Variants in H3C6 observed in about 807,000 individuals in gnomAD.
The protein encoded by H3C6 is histone H3.1.
In H3C6, 17 loss-of-function variants were observed where a neutral mutation model predicts 8.0. The ratio of observed to expected loss-of-function variants is 2.13; its 90% CI spans 1.46 to 3.19. The LOEUF (loss-of-function observed/expected upper bound fraction) is 3.19. Ranked by LOEUF, H3C6 falls within the 30% of genes most tolerant of loss-of-function variation. H3C6 has a pLI of 0.00. For synonymous variants in H3C6, 169 were observed against 78.0 expected, an observed-to-expected ratio of 2.17 and a Z score of -6.15; for missense variants, 298 against 193.8, an observed-to-expected ratio of 1.54 and a Z score of -3.19.
At chr6:26,226,361 CTTA>C (rs1158903576), downstream of H3C6, 1 of 146,532 alleles carries the variant, frequency 6.8e-6, no homozygotes, top group Non-Finnish European at 1.5e-5. Context: ...TTTTTCTTTT[CTTA>C]TTTATTTATT....
Position 26,225,472 on chromosome 6 carries a change from G to C in H3C6, c.318G>C (p.Glu106Asp). 6.2e-7 allele frequency: 1 copy of C among 1,614,228 alleles called. No homozygotes were observed. Among genetic ancestry groups the C allele is most frequent in the Non-Finnish European group, 8.5e-7 (1 of 1,180,036 alleles). The change falls in exon 1 of 1, where the codon GAG becomes GAC. Residue 106 changes from glutamate (E) to aspartate (D), a missense_variant. Physicochemically the swap from Glu to Asp is conservative, Grantham distance 45 (BLOSUM62 2). Transcript: ENST00000614911. ...ACEAYLVGLF[E>D]DTNLCAIHAK... ...AGGCCTACTTGGTGGGGCTTTTCGAGGACACCAACCTGTGCGCTATTCATG... is the reference window on the plus strand; with the variant it reads ...AGGCCTACTTGGTGGGGCTTTTCGACGACACCAACCTGTGCGCTATTCATG...
chr6:26,225,776 C>G (rs762490502), downstream of H3C6: 1 of 557,106 alleles, frequency 1.8e-6, no homozygotes, highest in Non-Finnish European at 3.1e-6. Context: ...AGGGCTGGGC[C>G]TCCCTACGCT....
At chr6:26,225,134 C>G (rs368970094), upstream of H3C6, 36 of 1,530,808 alleles carry the variant, frequency 2.4e-5, no homozygotes, top group African/African-American at 4.7e-4. Context: ...CTTCCTAACT[C>G]ATTTACTTTG....
In H3C6 at chr6:26,225,382, T is replaced by C; in HGVS notation, c.228T>C (p.Ala76=). The change falls in exon 1 of 1, where the codon GCT becomes GCC. Residue 76 remains alanine, a synonymous_variant. Transcript: ENST00000614911. ...LPFQRLVREI[A]QDFKTDLRFQ... is the part of the protein sequence containing the mutation. ...TTCAGCGCCTGGTGCGAGAAATAGC[T>C]CAGGACTTCAAGACCGACCTGCGCT... The C allele has an allele frequency of 6.2e-6, 10 of 1,614,218 alleles. No homozygotes were observed. The highest frequency in any genetic ancestry group is 1.1e-5 in the South Asian group (1 of 91,090).
chr6:26,224,879 T>C (rs960101978), upstream of H3C6: 1 of 284,990 alleles, frequency 3.5e-6, no homozygotes, highest in Non-Finnish European at 6.5e-6. Flanking sequence ...GTCTATTAAG[T>C]TAAATGATCA....
chr6:26,226,653 G>A (rs975823778), downstream of H3C6: 3 of 152,164 alleles, frequency 2.0e-5, no homozygotes, highest in Non-Finnish European at 4.4e-5. Flanking sequence ...AACAAAACAT[G>A]AAAATCCTTG....
downstream of H3C6, chr6:26,227,420 G>A (rs1759597335): frequency 6.6e-6 from 1 of 152,072 alleles, no homozygotes; most frequent in Admixed American, 6.5e-5. Context: ...CTAAAACAAA[G>A]CCTCTGGAAA....
At position 26,225,170 on chromosome 6, in the gene H3C6, C is replaced by T. The variant is rs564768630; in HGVS notation, c.16C>T (p.Gln6Ter). MARTK[Q>*]TARKSTGGKA... is the part of the protein sequence containing the mutation. Reference sequence around the variant, plus strand: ...CAGATGAACTATGGCGCGTACTAAGCAGACGGCTCGTAAATCCACAGGCGG... The same window carrying T: ...CAGATGAACTATGGCGCGTACTAAGTAGACGGCTCGTAAATCCACAGGCGG... The change falls in exon 1 of 1, where the codon CAG becomes TAG. Residue 6 changes from glutamine to a stop codon, truncating the protein, a stop_gained. Transcript: ENST00000614911. LOFTEE classifies it high-confidence loss of function. 8.9e-6 allele frequency: 14 copies of T among 1,572,390 alleles called. No homozygotes were observed. The highest frequency in any genetic ancestry group is 1.4e-5 in the African/African-American group (1 of 73,496).
At chr6:26,225,649 G>C, downstream of H3C6, 1 of 1,454,672 alleles carries the variant, frequency 6.9e-7, no homozygotes, top group Non-Finnish European at 9.4e-7. Context: ...AATCCTTTGA[G>C]ACGCATTAGA....
At chr6:26,226,494 C>G (rs531900499), downstream of H3C6, 6 of 152,478 alleles carry the variant, frequency 3.9e-5, no homozygotes, top group African/African-American at 1.4e-4. Context: ...CGGGTTCAAG[C>G]GATTCTCCTG....
In H3C6 at chr6:26,225,384, A is replaced by G; in HGVS notation, c.230A>G (p.Gln77Arg). 1 of 1,614,264 alleles carries G rather than the reference A, an allele frequency of 6.2e-7. No individual in the cohort carries two copies. The highest frequency in any genetic ancestry group is 8.5e-7 in the Non-Finnish European group (1 of 1,180,050). Reference sequence around the variant, plus strand: ...CAGCGCCTGGTGCGAGAAATAGCTCAGGACTTCAAGACCGACCTGCGCTTC... The same window carrying G: ...CAGCGCCTGGTGCGAGAAATAGCTCGGGACTTCAAGACCGACCTGCGCTTC... ...PFQRLVREIAQDFKTDLRFQS... is the reference protein window; with the variant it reads ...PFQRLVREIARDFKTDLRFQS... Residue 77 changes from glutamine (Q) to arginine (R), a missense_variant, in exon 1 of 1, where the codon CAG (glutamine) becomes CGG (arginine). By Grantham distance (43) the Gln-to-Arg change is conservative. Coordinates refer to ENST00000614911, the MANE Select transcript of H3C6 (RefSeq NM_003532.3).
At chr6:26,224,988 C>T, upstream of H3C6, 1 of 703,700 alleles carries the variant, frequency 1.4e-6, no homozygotes, top group South Asian at 2.4e-5. Context: ...ATTTACCAAT[C>T]AGAATCTTGC....
At position 26,225,615 on chromosome 6, in the gene H3C6, C is replaced by G. The variant is rs532694665; in HGVS notation, c.*50C>G. 1.3e-6 allele frequency: 2 copies of G among 1,560,390 alleles called. No homozygotes were observed. Among genetic ancestry groups the G allele is most frequent in the East Asian group, 4.5e-5 (2 of 44,518 alleles). On this transcript the variant is annotated 3_prime_UTR_variant, in exon 1 of 1. Transcript: ENST00000614911. ...TCCAAAGGCTCTTCTCAGAGCCAAC[C>G]ACTTTGTCCGTGAAAAGGGCTGTAA...
At chr6:26,226,882 T>A (rs765530981), downstream of H3C6, 1 of 152,206 alleles carries the variant, frequency 6.6e-6, no homozygotes, top group Non-Finnish European at 1.5e-5. Context: ...AATTCCTCAG[T>A]TTTGATATGG....
At chr6:26,224,745 T>G (rs1164944988), upstream of H3C6, among the ~76,000 whole-genome samples, 1 of 152,058 alleles carries the variant, frequency 6.6e-6, no homozygotes, top group African/African-American at 2.4e-5. Context: ...AATGAGTGAA[T>G]AAGGAAGGGA....
At chr6:26,226,448 T>G (rs1179996570), downstream of H3C6, 1 of 152,418 alleles carries the variant, frequency 6.6e-6, no homozygotes, top group African/African-American at 2.4e-5. Context: ...CTGGAGTGCA[T>G]TGGCGCGATC....
At chr6:26,224,416 G>A (rs148859366), upstream of H3C6, 4 of 152,318 alleles carry the variant, frequency 2.6e-5, no homozygotes, top group East Asian at 7.7e-4. Context: ...GTCTTACAGA[G>A]AAACAACCTT....
upstream of H3C6, chr6:26,224,960 A>C: frequency 3.6e-6 from 2 of 559,528 alleles, no homozygotes; most frequent in Non-Finnish European, 6.1e-6. Context: ...TGTTTGAAAG[A>C]GCCAGTTCTC....
At chr6:26,225,712 C>T (rs772847076), downstream of H3C6, 154 of 1,015,982 alleles carry the variant, frequency 1.5e-4, no homozygotes, top group Non-Finnish European at 2.1e-4. Flanking sequence ...CATTCAGTTC[C>T]CTCGATGCTT....
Sources: allele counts gnomAD v4.1 joint callset (sites outside exome capture counted in the v4.1 genomes callset), GRCh38; gene constraint gnomAD v4.1.1; transcripts MANE v1.5; gene names NCBI Gene and HGNC (gene_info 2026-07-23, HGNC 2026-07-21).